KIF26B: variants seen among roughly 807,000 people sequenced by gnomAD.
KIF26B encodes the protein kinesin-like protein KIF26B.
In KIF26B, 63 loss-of-function variants were observed where a neutral mutation model predicts 151.2. The observed-to-expected ratio is 0.42, with a 90% CI of 0.34 to 0.51. The LOEUF is 0.51. Among genes scored for constraint, KIF26B ranks in the 20% least tolerant of loss-of-function variants. The probability of loss-of-function intolerance (pLI) is 0.07; values close to 1 mark genes in which losing one functional copy is unlikely to be tolerated. For synonymous variants in KIF26B, 1,357 were observed against 1,262.1 expected (o/e 1.08, Z -1.59); for missense variants, 2,813 against 2,913.6 (o/e 0.97, Z 0.79).
At chr1:245,350,062 A>G (rs986454810) in intron 2 of KIF26B, among the ~76,000 whole-genome samples, 1 of 151,368 alleles carries the variant, frequency 6.6e-6, no homozygotes, top group African/African-American at 2.4e-5. Context: ...TTTTTTTTTC[A>G]TAAATACTTG....
rs114943261 is a variant in KIF26B, at chr1:245,646,941, C to T, written c.2258+661C>T. Among the ~76,000 whole-genome samples, 544 of 152,316 alleles carry T rather than the reference C, an allele frequency of 3.6e-3. 2 individuals are homozygous for T. Among genetic ancestry groups the T allele is most frequent in the African/African-American group, 0.012 (503 of 41,574 alleles). ...TGGCAGAGACAAAGCCACTCCACCA[C>T]CATCACCCCAACTAAGCGTTCTCAT... On this transcript the variant is annotated intron_variant, in intron 10 of 14. Transcript: ENST00000407071.
intron 10 of KIF26B, among the ~76,000 whole-genome samples, chr1:245,647,149 G>A (rs796693281): frequency 3.7e-4 from 56 of 152,252 alleles, no homozygotes; most frequent in African/African-American, 1.3e-3. Flanking sequence ...TTGTAGGCTG[G>A]GTGCGGTGGC....
At chr1:245,695,441 C>G (rs2044680115) in intron 12 of KIF26B, among the ~76,000 whole-genome samples, 1 of 152,124 alleles carries the variant, frequency 6.6e-6, no homozygotes, top group African/African-American at 2.4e-5. Context: ...GGAGAGGGAG[C>G]CTCAGCTGGA....
chr1:245,695,552 G>A (rs1254152633), intron 12 of KIF26B, among the ~76,000 whole-genome samples: 2 of 152,164 alleles, frequency 1.3e-5, no homozygotes, highest in Non-Finnish European at 2.9e-5. Flanking sequence ...TCGTGTGCAG[G>A]AAAAAGGTAT....
At chr1:245,169,614 G>T (rs1668676199) in intron 2 of KIF26B, among the ~76,000 whole-genome samples, 1 of 151,666 alleles carries the variant, frequency 6.6e-6, no homozygotes, top group Non-Finnish European at 1.5e-5. Flanking sequence ...ATTTTTTGCA[G>T]CCGGGGTGGT....
intron 2 of KIF26B, among the ~76,000 whole-genome samples, chr1:245,246,888 C>CACACACAG (rs1290098725): frequency 1.1e-4 from 16 of 144,002 alleles, no homozygotes; most frequent in Non-Finnish European, 9.3e-5. Context: ...CACACACACA[C>CACACACAG]ACACAGACAC....
chr1:245,470,730 A>G (rs1230946573), intron 4 of KIF26B, among the ~76,000 whole-genome samples: 1 of 151,992 alleles, frequency 6.6e-6, no homozygotes. Context: ...ACGCCCGGCC[A>G]CCACTTTGAC....
chr1:245,160,540 C>T (rs565228500), intron 2 of KIF26B, among the ~76,000 whole-genome samples: 1 of 152,212 alleles, frequency 6.6e-6, no homozygotes, highest in African/African-American at 2.4e-5. Context: ...CTGGGCAAGT[C>T]CTACGAAACA....
chr1:245,214,472 A>C (rs1195953467), intron 2 of KIF26B, among the ~76,000 whole-genome samples: 1 of 152,238 alleles, frequency 6.6e-6, no homozygotes, highest in African/African-American at 2.4e-5. Context: ...TGGCCTAATA[A>C]ATAACACATT....
Position 245,688,566 on chromosome 1 carries a change from C to G in KIF26B, c.5583C>G (p.His1861Gln). 1.3e-6 allele frequency: 2 copies of G among 1,554,648 alleles called. No homozygotes were observed. Among genetic ancestry groups the G allele is most frequent in the Non-Finnish European group, 1.7e-6 (2 of 1,152,948 alleles). ...AGATCACGCCCCCGCGGAGGCCCCA[C>G]CGCTGCAGCAGCGGCCACGGCAGCG... ...YSKITPPRRPHRCSSGHGSDN... is the reference protein window; with the variant it reads ...YSKITPPRRPQRCSSGHGSDN... The change falls in exon 12 of 15, where the codon CAC (histidine) becomes CAG (glutamine). Residue 1861 changes from histidine to glutamine, a missense_variant. Around this residue, in one of 3 missense-constraint regions of KIF26B, gnomAD observed 2,060 missense variants for 2,088.6 expected, o/e 0.99. Transcript: ENST00000407071.
At chr1:245,344,170 G>A (rs905037208) in intron 2 of KIF26B, among the ~76,000 whole-genome samples, 3 of 136,166 alleles carry the variant, frequency 2.2e-5, no homozygotes, top group African/African-American at 5.8e-5. Context: ...CCCCCTCCCT[G>A]TCTCCCTCCC....
chr1:245,403,439 C>T (rs1261629346), intron 3 of KIF26B, among the ~76,000 whole-genome samples: 1 of 152,198 alleles, frequency 6.6e-6, no homozygotes, highest in Non-Finnish European at 1.5e-5. Context: ...TTATATATTT[C>T]ATAAGCTGTT....
chr1:245,312,398 A>C (rs1176537123), intron 2 of KIF26B, among the ~76,000 whole-genome samples: 1 of 152,238 alleles, frequency 6.6e-6, no homozygotes, highest in Non-Finnish European at 1.5e-5. Context: ...TGATTTGAGC[A>C]ACAAAATGAG....
At chr1:245,682,718 A>ATCACAAC (rs2044455187) in intron 10 of KIF26B, among the ~76,000 whole-genome samples, 2 of 151,406 alleles carry the variant, frequency 1.3e-5, no homozygotes, top group South Asian at 4.2e-4. Flanking sequence ...ACTGTATATG[A>ATCACAAC]TCACAACCTA....
intron 2 of KIF26B, among the ~76,000 whole-genome samples, chr1:245,266,190 A>G (rs971620113): frequency 1.3e-5 from 2 of 152,232 alleles, no homozygotes; most frequent in Non-Finnish European, 2.9e-5. Context: ...TAAACCTATG[A>G]AAAGGTACCT....
intron 2 of KIF26B, among the ~76,000 whole-genome samples, chr1:245,171,784 A>AT (rs146039027): frequency 6.6e-6 from 1 of 152,196 alleles, no homozygotes; most frequent in East Asian, 1.9e-4. Context: ...TCCCATCAGG[A>AT]TTTGTATATT....
intron 4 of KIF26B, among the ~76,000 whole-genome samples, chr1:245,510,576 T>TTC (rs4021193): frequency 0.015 from 1,966 of 134,050 alleles, 44 homozygotes; most frequent in African/African-American, 0.05. Flanking sequence ...TTAGCAGAGC[T>TTC]TCTCTCTCTC....
At chr1:245,543,241 A>G (rs13375481) in intron 5 of KIF26B, among the ~76,000 whole-genome samples, 39,248 of 152,014 alleles carry the variant, frequency 0.26, 5,623 homozygotes, top group African/African-American at 0.37. Flanking sequence ...CCCAGCCAGC[A>G]GGATGACCCA....
intron 4 of KIF26B, among the ~76,000 whole-genome samples, chr1:245,431,750 T>C (rs1347015826): frequency 6.6e-6 from 1 of 152,356 alleles, no homozygotes; most frequent in African/African-American, 2.4e-5. Flanking sequence ...GTCCTGGGAT[T>C]ACAGGCGTGA....
Sources: allele counts gnomAD v4.1 joint callset (sites outside exome capture counted in the v4.1 genomes callset), GRCh38; gene constraint gnomAD v4.1.1; regional missense constraint gnomAD v4.1.1; transcripts MANE v1.5; gene names NCBI Gene and HGNC (gene_info 2026-07-23, HGNC 2026-07-21).